Variants in NCOR2 observed in about 807,000 individuals in gnomAD.
NCOR2 encodes CTG repeat protein 26.
NCOR2 carries 81 observed loss-of-function variants against 262.9 expected under a neutral mutation model. The observed-to-expected ratio is 0.31, with a 90% CI of 0.26 to 0.37. The LOEUF (loss-of-function observed/expected upper bound fraction) is 0.37, where lower values mean the gene tolerates loss of function less well. NCOR2 is among the 10% of genes least tolerant of loss of function. The pLI, the probability that NCOR2 is intolerant of heterozygous loss-of-function variation, is 1.00. For synonymous variants in NCOR2, 1,659 were observed against 1,559.3 expected, an observed-to-expected ratio of 1.06 and a Z score of -1.51; for missense variants, 3,385 against 3,621.4, an observed-to-expected ratio of 0.93 and a Z score of 1.68.
At chr12:124,430,129 G>A (rs2043831098) in intron 9 of NCOR2, among the ~76,000 whole-genome samples, 2 of 152,218 alleles carry the variant, frequency 1.3e-5, no homozygotes, top group Admixed American at 1.3e-4. Flanking sequence ...TCAGTTAAGG[G>A]TGAAAGGTGT....
intron 2 of NCOR2, 65 bp downstream of exon 4, chr12:124,486,376 T>C: frequency 6.3e-7 from 1 of 1,594,036 alleles, no homozygotes; most frequent in Non-Finnish European, 8.5e-7. Context: ...GCCACGGGCC[T>C]CTGCTTCTCC....
rs556662614 is a variant in NCOR2 at position 124,341,672 on chromosome 12, G to A, written c.5188+151C>T. 67 of 1,215,092 alleles carry A rather than the reference G, an allele frequency of 5.5e-5. No homozygotes were observed. The South Asian group carries it at 9.0e-4, about 16-fold the overall frequency. 75.3% of individuals were successfully genotyped at this position (1,215,092 alleles called of 1,614,324 possible). Reference sequence around the variant, plus strand: ...AGATGCCAACCAGCACCCACAGCACGCACAACCCCAGGCCACCCACTCAGG... The same window carrying A: ...AGATGCCAACCAGCACCCACAGCACACACAACCCCAGGCCACCCACTCAGG... On this transcript the variant is annotated intron_variant, in intron 34 of 46. Transcript: ENST00000405201.
intron 17 of NCOR2, among the ~76,000 whole-genome samples, chr12:124,384,526 CG>C (rs2040649125): frequency 6.6e-6 from 1 of 152,184 alleles, no homozygotes; most frequent in Non-Finnish European, 1.5e-5. Context: ...CGTGGCCCCT[CG>C]GTCCCGGAGC....
intron 17 of NCOR2, among the ~76,000 whole-genome samples, chr12:124,383,228 G>A (rs2880348): frequency 0.36 from 54,866 of 152,086 alleles, 11,953 homozygotes; most frequent in Middle Eastern, 0.53. Flanking sequence ...TGGGGAAACT[G>A]AGGCACAGAG....
chr12:124,370,274 T>G (rs979112492), intron 20 of NCOR2, among the ~76,000 whole-genome samples: 1 of 152,330 alleles, frequency 6.6e-6, no homozygotes, highest in South Asian at 2.1e-4. Context: ...GGTCAGGCCG[T>G]CCACTTCTCA....
At chr12:124,477,229 G>A (rs956667686) in intron 3 of NCOR2, among the ~76,000 whole-genome samples, 5 of 152,158 alleles carry the variant, frequency 3.3e-5, no homozygotes, top group Admixed American at 6.5e-5. Flanking sequence ...GGTTTCCCCC[G>A]TCCTGTTCTC....
Position 124,449,795 on chromosome 12 carries a change from G to C in NCOR2, c.815+20C>G. The C allele has an allele frequency of 6.2e-7, 1 of 1,613,738 alleles. No individual in the cohort carries two copies. The highest frequency in any genetic ancestry group is 8.5e-7 in the Non-Finnish European group (1 of 1,179,836). Reference sequence around the variant, plus strand: ...CCACCCTGCCTCTGTGTGTCTGCACGGCTGCCCGCGAGCACTCACATTTTG... The same window carrying C: ...CCACCCTGCCTCTGTGTGTCTGCACCGCTGCCCGCGAGCACTCACATTTTG... On this transcript the variant is annotated intron_variant, in intron 7 of 46. Transcript: ENST00000405201.
chr12:124,372,080 A>G, exon 20 of NCOR2: 1 of 1,604,060 alleles, frequency 6.2e-7, no homozygotes. Flanking sequence ...GTAGCACTGG[A>G]GTCGCTGTCC....
At chr12:124,369,846 G>A (rs775549108) in intron 20 of NCOR2, among the ~76,000 whole-genome samples, 42 of 152,152 alleles carry the variant, frequency 2.8e-4, no homozygotes, top group Non-Finnish European at 5.6e-4. Context: ...CTGCAGGGGA[G>A]AGGACGGGAG....
chr12:124,528,241 G>C (rs1749246120), intron 1 of NCOR2, among the ~76,000 whole-genome samples: 1 of 152,216 alleles, frequency 6.6e-6, no homozygotes, highest in Admixed American at 6.5e-5. Context: ...ACACATGTCA[G>C]AGCCGAAGAT....
chr12:124,421,882 G>C (rs1192599889), intron 12 of NCOR2, among the ~76,000 whole-genome samples: 4 of 152,236 alleles, frequency 2.6e-5, no homozygotes, highest in African/African-American at 9.6e-5. Context: ...GGGACACTTT[G>C]TGTCTACCGG....
At chr12:124,363,949 G>A (rs2038812512) in intron 20 of NCOR2, 150 bp from the exon 23 acceptor site, 1 of 593,114 alleles carries the variant, frequency 1.7e-6, no homozygotes, top group Non-Finnish European at 2.5e-6. Flanking sequence ...AGCTCACCCA[G>A]ATAATGTCAA....
chr12:124,538,332 C>T (rs1021596470), upstream of NCOR2: 1 of 152,486 alleles, frequency 6.6e-6, no homozygotes, highest in Non-Finnish European at 1.5e-5. Context: ...ATTTAGAAAA[C>T]TCAGCAGGGA....
intron 1 of NCOR2, among the ~76,000 whole-genome samples, chr12:124,490,408 AGATGGATGGATGGATG>A (rs750414709): frequency 2.8e-4 from 35 of 126,364 alleles, no homozygotes; most frequent in Non-Finnish European, 2.3e-4. Context: ...AGTATTTGCC[AGATGGATGGATGGATG>A]GATGGATGGA....
At chr12:124,355,104 C>T (rs1041648436) in intron 24 of NCOR2, 165 bp from the exon 27 acceptor site, 4 of 648,882 alleles carry the variant, frequency 6.2e-6, no homozygotes, top group South Asian at 1.9e-5. Flanking sequence ...AGCCTCGGCC[C>T]CCTCCCCTGT....
At chr12:124,431,006 AT>A (rs1350701514) in intron 8 of NCOR2, among the ~76,000 whole-genome samples, 2 of 151,974 alleles carry the variant, frequency 1.3e-5, no homozygotes, top group Non-Finnish European at 2.9e-5. Context: ...ACACAGGCAC[AT>A]ACAAGTCACA....
At chr12:124,418,486 C>T (rs977216731) in intron 13 of NCOR2, among the ~76,000 whole-genome samples, 2 of 152,086 alleles carry the variant, frequency 1.3e-5, no homozygotes, top group African/African-American at 4.8e-5. Flanking sequence ...GGCGGGGCAG[C>T]TCTGGGGAGG....
At chr12:124,409,091 G>A (rs1267961311) in intron 13 of NCOR2, among the ~76,000 whole-genome samples, 1 of 152,244 alleles carries the variant, frequency 6.6e-6, no homozygotes, top group Non-Finnish European at 1.5e-5. Context: ...AGAAAGATGC[G>A]TGTCGACAGA....
At chr12:124,469,868 A>G (rs1287515180) in intron 4 of NCOR2, among the ~76,000 whole-genome samples, 1 of 152,188 alleles carries the variant, frequency 6.6e-6, no homozygotes, top group Admixed American at 6.5e-5. Context: ...AAAGGAAGAT[A>G]AAAAAGGGTT....
Sources: gnomAD v4.1 joint callset for allele counts (sites outside exome capture counted in the v4.1 genomes callset) on GRCh38, gnomAD v4.1.1 for gene constraint, MANE v1.5 for transcripts, NCBI Gene and HGNC (gene_info 2026-07-23, HGNC 2026-07-21) for gene names.